DOCK7: variants seen among roughly 807,000 people sequenced by gnomAD.
DOCK7 encodes the protein dedicator of cytokinesis protein 7.
A neutral mutation model predicts 271.0 loss-of-function variants in DOCK7; 138 were observed. The observed-to-expected ratio is 0.51, with a 90% CI of 0.44 to 0.59. The LOEUF is 0.59. Among genes scored for constraint, DOCK7 ranks in the 20% least tolerant of loss-of-function variants. The pLI is 0.00. For synonymous variants in DOCK7, 823 were observed against 876.1 expected (o/e 0.94, Z 1.07); for missense variants, 2,066 against 2,592.4 (o/e 0.80, Z 4.41).
rs577254528 is a variant in DOCK7, at chr1:62,558,798, T to C, written c.2431+191A>G. Among the ~76,000 whole-genome samples, 13 of 152,220 alleles carry C rather than the reference T, an allele frequency of 8.5e-5. 2 individuals are homozygous for C. Among genetic ancestry groups the C allele is most frequent in the African/African-American group, 2.6e-4 (11 of 41,544 alleles). On this transcript the variant is annotated intron_variant, in intron 20 of 49. Coordinates refer to ENST00000635253, the MANE Select transcript of DOCK7 (RefSeq NM_001367561.1). Reference sequence around the variant, plus strand: ...TTTCTATAATTTCAGTATATGCCTATAGAACACATTTTATAAAAACAAAAT... The same window carrying C: ...TTTCTATAATTTCAGTATATGCCTACAGAACACATTTTATAAAAACAAAAT...
At chr1:62,459,392 C>T (rs981725191) in intron 48 of DOCK7, among the ~76,000 whole-genome samples, 8 of 151,892 alleles carry the variant, frequency 5.3e-5, no homozygotes, top group African/African-American at 1.7e-4. Flanking sequence ...AGGCTCACAT[C>T]GCCACACCTG....
intron 48 of DOCK7, among the ~76,000 whole-genome samples, chr1:62,472,459 C>G (rs1234702594): frequency 2.0e-5 from 3 of 152,126 alleles, no homozygotes; most frequent in Non-Finnish European, 2.9e-5. Flanking sequence ...GATAGTAACA[C>G]TTAAGGAGAC....
chr1:62,521,335 CA>C (rs1164647624), intron 31 of DOCK7, among the ~76,000 whole-genome samples: 7 of 151,678 alleles, frequency 4.6e-5, no homozygotes, highest in Non-Finnish European at 1.0e-4. Context: ...AAATACATAT[CA>C]AAAAAGAAAG....
intron 4 of DOCK7, 143 bp downstream of exon 4, chr1:62,653,582 C>T: frequency 1.7e-6 from 1 of 604,036 alleles, no homozygotes; most frequent in Non-Finnish European, 2.9e-6. Flanking sequence ...GAGTAAATAT[C>T]TATACACAAA....
At chr1:62,506,570 A>C (rs930949227) in intron 35 of DOCK7, among the ~76,000 whole-genome samples, 19 of 151,788 alleles carry the variant, frequency 1.3e-4, no homozygotes, top group Middle Eastern at 3.4e-3. Context: ...TCCTGGCTTC[A>C]AGCAATTCTT....
chr1:62,510,821 CTTT>C, intron 33 of DOCK7, 148 bp from the exon 34 acceptor site: 1 of 522,210 alleles, frequency 1.9e-6, no homozygotes, highest in Non-Finnish European at 3.3e-6. Flanking sequence ...GACAATGGTG[CTTT>C]TTATTAAAAA....
In DOCK7 at chr1:62,538,075, C is replaced by A; in HGVS notation, c.3301-14G>T. On this transcript the variant is annotated splice_polypyrimidine_tract_variant and intron_variant, in intron 27 of 49. Transcript: ENST00000635253. ...CTTTGAAGACACCTTGTAAGCAATG[C>A]ATAAGTAAGAGAACACCAATTGAAT... 6.2e-7 allele frequency: 1 copy of A among 1,607,192 alleles called. No homozygotes were observed. The highest frequency in any genetic ancestry group is 8.5e-7 in the Non-Finnish European group (1 of 1,176,178).
In DOCK7 at chr1:62,586,559, A is replaced by G. The variant is rs1407734085; in HGVS notation, c.1748T>C (p.Ile583Thr). 1 of 1,613,002 alleles carries G rather than the reference A, an allele frequency of 6.2e-7. No homozygotes were observed. The highest frequency in any genetic ancestry group is 8.5e-7 in the Non-Finnish European group (1 of 1,179,360). Reference protein sequence around the residue: ...FANRQGSARNITVKVQFMYGE... With the variant: ...FANRQGSARNTTVKVQFMYGE... ...ATACATAAACTGGACTTTCACTGTT[A>G]TATTTCTAGCAGAACCTTGACGATT... is the stretch of plus-strand genomic sequence containing the variant. The change falls in exon 15 of 50, where the codon ATA becomes ACA. Residue 583 changes from isoleucine to threonine, a missense_variant. Physicochemically the swap from Ile to Thr is moderately conservative, Grantham distance 89. Coordinates refer to ENST00000635253, the MANE Select transcript of DOCK7 (RefSeq NM_001367561.1).
chr1:62,501,891 A>G (rs544386929), intron 37 of DOCK7, among the ~76,000 whole-genome samples: 17 of 152,244 alleles, frequency 1.1e-4, no homozygotes, highest in African/African-American at 3.6e-4. Flanking sequence ...AACTTTTAAT[A>G]TAATCTTTTA....
intron 8 of DOCK7, 192 bp from the exon 9 acceptor site, chr1:62,635,114 A>G: frequency 2.6e-6 from 1 of 385,642 alleles, no homozygotes; most frequent in Non-Finnish European, 4.6e-6. Context: ...TTTTAAAAAC[A>G]TTCATGTTAA....
rs1571969251 is a variant in DOCK7 at position 62,670,500 on chromosome 1, T to A, written c.39-7370A>T. Among the ~76,000 whole-genome samples, 3 of 152,102 alleles carry A rather than the reference T, an allele frequency of 2.0e-5. No individual in the cohort carries two copies. The East Asian group carries it at 5.8e-4, about 29-fold the overall frequency. ...CTCTGGTGAGGACGTGGAGAACCTT[T>A]ATGTCTAGCTCAAGGATTGTAAATA... On this transcript the variant is annotated intron_variant, in intron 1 of 49. Coordinates refer to ENST00000635253, the MANE Select transcript of DOCK7 (RefSeq NM_001367561.1).
intron 42 of DOCK7, 149 bp from the exon 43 acceptor site, chr1:62,487,561 G>C: frequency 1.6e-6 from 1 of 616,242 alleles, no homozygotes; most frequent in Non-Finnish European, 2.7e-6. Context: ...CTTAAGACCT[G>C]CAATAATTTC....
At chr1:62,584,719 C>T (rs1299253966) in intron 15 of DOCK7, 4 of 1,093,270 alleles carry the variant, frequency 3.7e-6, no homozygotes, top group African/African-American at 1.6e-5. Context: ...ATGAGTAAGA[C>T]ATCGTCCCTG....
chr1:62,556,107 G>A, intron 20 of DOCK7, 118 bp from the exon 21 acceptor site: 2 of 977,620 alleles, frequency 2.0e-6, no homozygotes, highest in Non-Finnish European at 3.0e-6. Flanking sequence ...CACAGTAAGT[G>A]TATAAAGATG....
At chr1:62,460,147 A>T (rs939117941) in intron 48 of DOCK7, among the ~76,000 whole-genome samples, 6 of 151,592 alleles carry the variant, frequency 4.0e-5, no homozygotes, top group African/African-American at 1.2e-4. Context: ...AGGGGAAAAG[A>T]ACTATTCTTG....
chr1:62,475,251 A>T lies in DOCK7; in HGVS notation c.6062T>A (p.Leu2021His). Residue 2021 changes from leucine to histidine, a missense_variant, in exon 47 of 50, where the codon CTT (leucine) becomes CAT (histidine). Coordinates refer to ENST00000635253, the MANE Select transcript of DOCK7 (RefSeq NM_001367561.1). ...THQDPADPKM[L>H]QMVLQGSVGT... The stretch of plus-strand genomic sequence containing the variant: ...TACAGATCCCTGGAGTACCATCTGA[A>T]GCATTTTGGGGTCTGCGGGATCCTG... The T allele has an allele frequency of 2.5e-6, 4 of 1,614,016 alleles. No individual in the cohort carries two copies. The highest frequency in any genetic ancestry group is 3.4e-6 in the Non-Finnish European group (4 of 1,179,926).
At chr1:62,528,372 C>A (rs1645078159) in intron 30 of DOCK7, 67 bp from the exon 31 acceptor site, 1 of 1,399,334 alleles carries the variant, frequency 7.1e-7, no homozygotes, top group African/African-American at 1.5e-5. Flanking sequence ...TTCCTATTCT[C>A]CACTATTCTT....
intron 14 of DOCK7, among the ~76,000 whole-genome samples, chr1:62,591,633 C>T (rs1429534908): frequency 1.3e-5 from 2 of 152,052 alleles, no homozygotes; most frequent in Non-Finnish European, 2.9e-5. Flanking sequence ...AACAAACATG[C>T]CATGCATGCT....
intron 2 of DOCK7, among the ~76,000 whole-genome samples, chr1:62,657,771 T>C (rs1373576486): frequency 1.3e-5 from 2 of 151,594 alleles, no homozygotes; most frequent in African/African-American, 4.9e-5. Flanking sequence ...AACAGACAAA[T>C]TCAATAGCAG....
Sources: allele counts gnomAD v4.1 joint callset (sites outside exome capture counted in the v4.1 genomes callset), GRCh38; gene constraint gnomAD v4.1.1; transcripts MANE v1.5; gene names NCBI Gene and HGNC (gene_info 2026-07-23, HGNC 2026-07-21).